Variants in LARGE1 observed in about 807,000 individuals in gnomAD.
The protein encoded by LARGE1 is xylosyl- and glucuronyltransferase LARGE1.
In LARGE1, 43 loss-of-function variants were observed where a neutral mutation model predicts 87.6. That is an observed-to-expected ratio of 0.49 (90% CI 0.38 to 0.63). The LOEUF is 0.63. Ranked by LOEUF, LARGE1 falls within the 30% of genes least tolerant of loss-of-function variation. The pLI is 0.00. For missense variants in LARGE1, 802 were observed against 1,000.2 expected, an observed-to-expected ratio of 0.80 and a Z score of 2.67; for synonymous variants, 434 against 394.6, an observed-to-expected ratio of 1.10 and a Z score of -1.18.
intron 12 of LARGE1, among the ~76,000 whole-genome samples, chr22:33,301,983 A>T (rs1044761548): frequency 2.6e-5 from 4 of 152,222 alleles, no homozygotes; most frequent in African/African-American, 9.6e-5. Flanking sequence ...GAGACCACAG[A>T]CTCATACGGG....
intron 3 of LARGE1, among the ~76,000 whole-genome samples, chr22:33,636,418 C>A (rs2080269120): frequency 6.6e-6 from 1 of 152,226 alleles, no homozygotes; most frequent in African/African-American, 2.4e-5. Flanking sequence ...AATGTGCCTT[C>A]ATTCTAGATT....
chr22:33,085,779 G>A, the LARGE1 span, among the ~76,000 whole-genome samples: 103 of 152,166 alleles, frequency 6.8e-4, no homozygotes, highest in African/African-American at 2.2e-3. Context: ...AAACCTTTTC[G>A]TTCCATGAAA....
intron 7 of LARGE1, among the ~76,000 whole-genome samples, chr22:33,409,908 A>T (rs1309098780): frequency 6.6e-6 from 1 of 152,072 alleles, no homozygotes; most frequent in Non-Finnish European, 1.5e-5. Context: ...AATGTCCACA[A>T]ATTCAAGCAG....
chr22:33,438,920 A>C (rs2067369554), intron 6 of LARGE1, among the ~76,000 whole-genome samples: 1 of 152,084 alleles, frequency 6.6e-6, no homozygotes, highest in African/African-American at 2.4e-5. Context: ...TCAGATTAAG[A>C]TGATACAAGG....
chr22:33,520,924 T>C (rs2071550524), intron 6 of LARGE1, among the ~76,000 whole-genome samples: 1 of 152,220 alleles, frequency 6.6e-6, no homozygotes, highest in African/African-American at 2.4e-5. Context: ...CTATTAGTAA[T>C]AAAAATAAGT....
At chr22:33,718,851 C>T (rs1345930441) in intron 2 of LARGE1, among the ~76,000 whole-genome samples, 1 of 152,206 alleles carries the variant, frequency 6.6e-6, no homozygotes, top group African/African-American at 2.4e-5. Flanking sequence ...AGTGCAGTGG[C>T]ATGATCTTGG....
intron 6 of LARGE1, among the ~76,000 whole-genome samples, chr22:33,497,697 A>G (rs2070209501): frequency 6.6e-6 from 1 of 152,182 alleles, no homozygotes; most frequent in African/African-American, 2.4e-5. Flanking sequence ...ATATATTATT[A>G]ATTACTTCTA....
At chr22:33,571,547 T>G (rs2078205062) in intron 5 of LARGE1, among the ~76,000 whole-genome samples, 1 of 151,890 alleles carries the variant, frequency 6.6e-6, no homozygotes, top group Non-Finnish European at 1.5e-5. Context: ...GAAAAGAGAC[T>G]GGTTTTGTCA....
intron 2 of LARGE1, among the ~76,000 whole-genome samples, chr22:33,681,217 C>T (rs1456331223): frequency 6.6e-6 from 1 of 152,100 alleles, no homozygotes; most frequent in Admixed American, 6.5e-5. Context: ...GGCTGTATTG[C>T]TCTGAATATT....
At chr22:33,572,128 C>T (rs1485407796) in intron 5 of LARGE1, 1 of 1,000,962 alleles carries the variant, frequency 1.0e-6, no homozygotes, top group Admixed American at 2.3e-5. Flanking sequence ...ATTTTTTGCT[C>T]AAAATAGATT....
the LARGE1 span, among the ~76,000 whole-genome samples, chr22:33,084,901 G>A: frequency 1.3e-5 from 2 of 151,922 alleles, no homozygotes; most frequent in African/African-American, 4.8e-5. Context: ...ATTTTACACT[G>A]ACAGCACATC....
At chr22:33,458,290 G>C (rs1052452617) in intron 6 of LARGE1, among the ~76,000 whole-genome samples, 1 of 151,860 alleles carries the variant, frequency 6.6e-6, no homozygotes, top group Non-Finnish European at 1.5e-5. Flanking sequence ...ATTTTTAGTG[G>C]AGACGGGGTT....
intron 3 of LARGE1, among the ~76,000 whole-genome samples, chr22:33,643,492 C>G (rs1163943462): frequency 1.3e-5 from 2 of 151,994 alleles, no homozygotes; most frequent in Admixed American, 1.3e-4. Flanking sequence ...CAAGAGCAAA[C>G]AAATTCAAAA....
chr22:33,734,727 T>C (rs571478568), intron 2 of LARGE1, among the ~76,000 whole-genome samples: 1 of 152,292 alleles, frequency 6.6e-6, no homozygotes, highest in Non-Finnish European at 1.5e-5. Context: ...GGTATAGGAC[T>C]GGTCTATAAA....
chr22:33,404,248 A>G (rs2066021633), intron 7 of LARGE1, among the ~76,000 whole-genome samples: 1 of 152,178 alleles, frequency 6.6e-6, no homozygotes, highest in Non-Finnish European at 1.5e-5. Flanking sequence ...TGCCATGCTG[A>G]TAAGGAGGAG....
At chr22:33,483,038 G>A (rs140679879) in intron 6 of LARGE1, among the ~76,000 whole-genome samples, 1 of 152,282 alleles carries the variant, frequency 6.6e-6, no homozygotes, top group East Asian at 1.9e-4. Flanking sequence ...AACCTCTGCC[G>A]TGTATCTTCA....
chr22:33,572,659 G>C (rs2078240293), intron 5 of LARGE1, among the ~76,000 whole-genome samples: 1 of 152,118 alleles, frequency 6.6e-6, no homozygotes, highest in Non-Finnish European at 1.5e-5. Context: ...CGGATCACTT[G>C]AGGTCAGGAG....
At position 33,441,071 on chromosome 22, in the gene LARGE1, C is replaced by CTTTTTTTTTTTT. The variant is rs35976426; in HGVS notation, c.788-8818_788-8807dup. On this transcript the variant is annotated intron_variant, in intron 6 of 14. Transcript: ENST00000397394. ...CTCAGCTGCTGCTATTTTGTTTGAA[C>CTTTTTTTTTTTT]TTTTTTTTTTTTTTTTTTTTGAGAG... Among the ~76,000 whole-genome samples, 789 of 98,374 alleles carry CTTTTTTTTTTTT rather than the reference C, an allele frequency of 8.0e-3. 24 individuals are homozygous for CTTTTTTTTTTTT. The highest frequency in any genetic ancestry group is 0.012 in the East Asian group (42 of 3,578). The allele number at this position is 98,374 out of a possible 152,430, so 64.5% of individuals were successfully genotyped here.
At chr22:33,215,231 C>T (rs983620286) in intron 11 of LARGE1, among the ~76,000 whole-genome samples, 3 of 152,152 alleles carry the variant, frequency 2.0e-5, no homozygotes, top group East Asian at 1.9e-4. Flanking sequence ...CCACCGTGCC[C>T]GGCCTTACAG....
Sources: gnomAD v4.1 joint callset for allele counts (sites outside exome capture counted in the v4.1 genomes callset) on GRCh38, gnomAD v4.1.1 for gene constraint, MANE v1.5 for transcripts, NCBI Gene and HGNC (gene_info 2026-07-23, HGNC 2026-07-21) for gene names.